TMEM132B: variants seen among roughly 807,000 people sequenced by gnomAD.
TMEM132B encodes the protein transmembrane protein 132B.
TMEM132B carries 18 observed loss-of-function variants against 90.8 expected under a neutral mutation model. That is an observed-to-expected ratio of 0.20 (90% confidence interval 0.14 to 0.29). The LOEUF is 0.29. TMEM132B is among the 10% of genes least tolerant of loss of function. TMEM132B has a pLI of 1.00. For synonymous variants in TMEM132B, 504 were observed against 523.3 expected, an observed-to-expected ratio of 0.96 and a Z score of 0.50; for missense variants, 1,096 against 1,326.8, an observed-to-expected ratio of 0.83 and a Z score of 2.70.
At chr12:125,259,543 G>A (rs1252363075) in intron 1 of TMEM132B, among the ~76,000 whole-genome samples, 2 of 152,166 alleles carry the variant, frequency 1.3e-5, no homozygotes, top group Admixed American at 6.5e-5. Context: ...CATAAGGGCC[G>A]TTGGGTCTTT....
At chr12:125,482,313 A>C (rs1593167963) in intron 3 of TMEM132B, among the ~76,000 whole-genome samples, 1 of 152,254 alleles carries the variant, frequency 6.6e-6, no homozygotes, top group Non-Finnish European at 1.5e-5. Context: ...CAGAGTGAAC[A>C]GGCAACCTAC....
chr12:125,595,181 C>G (rs1885411815), intron 5 of TMEM132B, among the ~76,000 whole-genome samples: 1 of 152,132 alleles, frequency 6.6e-6, no homozygotes, highest in Non-Finnish European at 1.5e-5. Context: ...TTTCTTTGCC[C>G]TTAGCTGGCA....
At chr12:125,352,281 C>T (rs1360963691) in intron 2 of TMEM132B, among the ~76,000 whole-genome samples, 1 of 152,242 alleles carries the variant, frequency 6.6e-6, no homozygotes, top group East Asian at 1.9e-4. Flanking sequence ...CTTTCTAAGA[C>T]AATTTCTTTC....
chr12:125,630,702 C>G (rs1035998906), intron 5 of TMEM132B, among the ~76,000 whole-genome samples: 8 of 151,914 alleles, frequency 5.3e-5, no homozygotes, highest in Non-Finnish European at 1.2e-4. Flanking sequence ...GGTACTACGC[C>G]TAGTACCCAA....
chr12:125,228,488 CT>C (rs1451082030), intron 1 of TMEM132B, among the ~76,000 whole-genome samples: 1 of 152,212 alleles, frequency 6.6e-6, no homozygotes, highest in Non-Finnish European at 1.5e-5. Context: ...TTTTGATGCT[CT>C]CCTGACCTCA....
intron 1 of TMEM132B, among the ~76,000 whole-genome samples, chr12:125,265,929 A>G (rs1397222470): frequency 6.6e-6 from 1 of 152,212 alleles, no homozygotes; most frequent in East Asian, 1.9e-4. Context: ...AAAGGATTAT[A>G]TATTAAAAAA....
chr12:125,519,394 A>C (rs4765259), intron 3 of TMEM132B, 45 bp from the exon 4 acceptor site: 1 of 1,530,540 alleles, frequency 6.5e-7, no homozygotes, highest in Non-Finnish European at 8.8e-7. Context: ...CATTTTGCTG[A>C]GTCTGAGGTT....
chr12:125,433,083 G>T (rs942996328), intron 3 of TMEM132B, among the ~76,000 whole-genome samples: 1 of 152,220 alleles, frequency 6.6e-6, no homozygotes, highest in African/African-American at 2.4e-5. Context: ...AGAATGCCGC[G>T]TGCCCCACGC....
intron 2 of TMEM132B, among the ~76,000 whole-genome samples, chr12:125,396,141 A>G (rs1879162323): frequency 6.6e-6 from 1 of 152,182 alleles, no homozygotes; most frequent in East Asian, 1.9e-4. Context: ...GTGGCTCCTC[A>G]ATGGGAAATA....
At chr12:125,233,375 A>G (rs1444231101) in intron 1 of TMEM132B, among the ~76,000 whole-genome samples, 1 of 152,146 alleles carries the variant, frequency 6.6e-6, no homozygotes, top group Non-Finnish European at 1.5e-5. Context: ...TGGTCACCTC[A>G]TGGTTGAAGA....
chr12:125,281,845 G>A (rs1263977581), intron 1 of TMEM132B, among the ~76,000 whole-genome samples: 5 of 151,600 alleles, frequency 3.3e-5, no homozygotes, highest in African/African-American at 9.7e-5. Flanking sequence ...TGGCTAACAC[G>A]GTGAAACCCC....
intron 1 of TMEM132B, among the ~76,000 whole-genome samples, chr12:125,307,996 T>TATGTAAGTA (rs529644938): frequency 0.08 from 11,058 of 138,520 alleles, 520 homozygotes; most frequent in Non-Finnish European, 0.1. Flanking sequence ...AATATAAATA[T>TATGTAAGTA]ATATAAGTAA....
chr12:125,482,909 G>A (rs1168288228), intron 3 of TMEM132B, among the ~76,000 whole-genome samples: 2 of 152,130 alleles, frequency 1.3e-5, no homozygotes, highest in African/African-American at 4.8e-5. Context: ...GGAATACTAT[G>A]CAGCCATAAA....
Position 125,407,313 on chromosome 12 carries a change from C to T in TMEM132B, c.960-8218C>T, listed in dbSNP as rs1335947506. Among the ~76,000 whole-genome samples the T allele has an allele frequency of 6.6e-6, 1 of 152,208 alleles. No individual in the cohort carries two copies. Among genetic ancestry groups the T allele is most frequent in the Admixed American group, 6.5e-5 (1 of 15,284 alleles). ...CGGGCAAAGTTAATCCTTTACTGCC[C>T]ACCCACTATGTAGACAACCAAACAA... On this transcript the variant is annotated intron_variant, in intron 2 of 8. Coordinates refer to ENST00000682704, the MANE Select transcript of TMEM132B (RefSeq NM_001366854.1). This position sits in a 1 kb window ranked among gnomAD's most constrained non-coding sequence, Gnocchi z 6.7.
intron 3 of TMEM132B, among the ~76,000 whole-genome samples, chr12:125,440,529 C>T (rs1013705184): frequency 5.3e-5 from 8 of 152,242 alleles, no homozygotes; most frequent in East Asian, 1.9e-4. Context: ...TTAGGACCCG[C>T]GATTATTTTC....
chr12:125,477,517 C>T (rs1881917040), intron 3 of TMEM132B, among the ~76,000 whole-genome samples: 1 of 142,308 alleles, frequency 7.0e-6, no homozygotes, highest in African/African-American at 2.5e-5. Context: ...ATTTTTTTCC[C>T]CAAGAACCTA....
At chr12:125,635,087 T>G (rs903954414) in intron 5 of TMEM132B, among the ~76,000 whole-genome samples, 9 of 152,226 alleles carry the variant, frequency 5.9e-5, no homozygotes, top group African/African-American at 1.9e-4. Flanking sequence ...ATTGCAGAAA[T>G]TCAAGTTTGG....
intron 1 of TMEM132B, among the ~76,000 whole-genome samples, chr12:125,244,708 G>A (rs920113097): frequency 2.0e-5 from 3 of 152,210 alleles, no homozygotes; most frequent in African/African-American, 7.2e-5. Context: ...TCACATGACA[G>A]CGAGACCCCC....
intron 5 of TMEM132B, among the ~76,000 whole-genome samples, chr12:125,642,179 T>C (rs1419781920): frequency 6.6e-6 from 1 of 152,128 alleles, no homozygotes; most frequent in African/African-American, 2.4e-5. Context: ...ACACCTTGAG[T>C]ACCTAAATGG....
Sources: allele counts gnomAD v4.1 joint callset (sites outside exome capture counted in the v4.1 genomes callset), GRCh38; gene constraint gnomAD v4.1.1; non-coding constraint Gnocchi (gnomAD v3.1); transcripts MANE v1.5; gene names NCBI Gene and HGNC (gene_info 2026-07-23, HGNC 2026-07-21).